PHF14: variants seen among roughly 807,000 people sequenced by gnomAD.
PHF14 encodes the protein PHD finger protein 14.
PHF14 carries 55 observed loss-of-function variants against 117.9 expected under a neutral mutation model. The observed-to-expected ratio is 0.47, with a 90% CI of 0.38 to 0.58. PHF14 has a LOEUF of 0.58. Among genes scored for constraint, PHF14 ranks in the 20% least tolerant of loss-of-function variants. PHF14 has a pLI of 0.00. For missense variants in PHF14, 978 were observed against 1,122.2 expected (o/e 0.87, Z 1.84); for synonymous variants, 409 against 368.6 (o/e 1.11, Z -1.26).
intron 4 of PHF14, among the ~76,000 whole-genome samples, chr7:11,002,658 G>C (rs544922142): frequency 6.6e-6 from 1 of 152,056 alleles, no homozygotes; most frequent in South Asian, 2.1e-4. Context: ...GGTCAGGCTG[G>C]TCTTGAACTC....
At chr7:11,009,536 A>G (rs527644156) in intron 4 of PHF14, among the ~76,000 whole-genome samples, 1 of 152,320 alleles carries the variant, frequency 6.6e-6, no homozygotes, top group Admixed American at 6.5e-5. Context: ...ACCCATATGA[A>G]AAAGAAAATA....
chr7:11,023,122 G>T, intron 6 of PHF14, 143 bp downstream of exon 6: 1 of 510,978 alleles, frequency 2.0e-6, no homozygotes, highest in Non-Finnish European at 3.5e-6. Context: ...ATTATTGATA[G>T]TAGTTTTCCT....
At chr7:11,122,443 G>A (rs10276516) in intron 17 of PHF14, among the ~76,000 whole-genome samples, 65,384 of 116,754 alleles carry the variant, frequency 0.56, 18,895 homozygotes, top group East Asian at 0.78. Flanking sequence ...ATATATATAC[G>A]TATATATATA....
chr7:11,163,036 C>A (rs532173936), intron 17 of PHF14, among the ~76,000 whole-genome samples: 1 of 152,122 alleles, frequency 6.6e-6, no homozygotes, highest in South Asian at 2.1e-4. Flanking sequence ...TTCTATCTTG[C>A]TATTTAAAAA....
intron 16 of PHF14, among the ~76,000 whole-genome samples, chr7:11,095,508 A>G (rs768557029): frequency 2.6e-5 from 4 of 152,174 alleles, no homozygotes; most frequent in Non-Finnish European, 5.9e-5. Flanking sequence ...TTTGAGAGTC[A>G]AGGGCATTTC....
At chr7:11,113,442 T>C (rs1787507575) in intron 17 of PHF14, among the ~76,000 whole-genome samples, 1 of 152,180 alleles carries the variant, frequency 6.6e-6, no homozygotes, top group Non-Finnish European at 1.5e-5. Flanking sequence ...TTATATTTGC[T>C]GTACTCTGTT....
At chr7:11,109,888 G>C (rs947036130) in intron 16 of PHF14, 2 of 151,792 alleles carry the variant, frequency 1.3e-5, no homozygotes, top group African/African-American at 4.8e-5. Flanking sequence ...GAATCTACAA[G>C]GTTTTTGGAA....
chr7:11,059,027 A>G (rs1448352164), intron 14 of PHF14, among the ~76,000 whole-genome samples: 1 of 152,180 alleles, frequency 6.6e-6, no homozygotes, highest in African/African-American at 2.4e-5. Context: ...TTGGTAATAA[A>G]TGTACTTAAA....
chr7:11,100,085 T>C (rs1297523859), intron 16 of PHF14, among the ~76,000 whole-genome samples: 1 of 152,098 alleles, frequency 6.6e-6, no homozygotes, highest in African/African-American at 2.4e-5. Context: ...TGTTTTTGAT[T>C]TTTCTTTCAT....
chr7:11,011,418 G>A (rs1166800038), intron 4 of PHF14, among the ~76,000 whole-genome samples: 1 of 152,114 alleles, frequency 6.6e-6, no homozygotes, highest in African/African-American at 2.4e-5. Context: ...TACCCATATG[G>A]TGAAGTCTTT....
At chr7:10,990,589 G>C in intron 3 of PHF14, 114 bp from the exon 4 acceptor site, 1 of 607,888 alleles carries the variant, frequency 1.6e-6, no homozygotes, top group Non-Finnish European at 2.8e-6. Context: ...GGAAAATGGG[G>C]CATACATTTG....
At position 11,004,722 on chromosome 7, in the gene PHF14, C is replaced by G. The variant is rs1399521626; in HGVS notation, c.1046-9025C>G. Among the ~76,000 whole-genome samples, 4 of 139,228 alleles carry G rather than the reference C, an allele frequency of 2.9e-5. No homozygotes were observed. In the East Asian group the frequency reaches 8.3e-4, roughly 29 times the overall value. The allele number at this position is 139,228 out of a possible 152,430, so 91.3% of individuals were successfully genotyped here. ...AAGAGTATTGTGCTGGTGTTTAGTT[C>G]CCATTATATCACATCAAAAGACGTA... On this transcript the variant is annotated intron_variant, in intron 4 of 17. Transcript: ENST00000634607.
intron 16 of PHF14, among the ~76,000 whole-genome samples, chr7:11,087,778 G>T (rs1405283689): frequency 1.3e-5 from 2 of 152,070 alleles, no homozygotes; most frequent in African/African-American, 4.8e-5. Context: ...ACATGTATGA[G>T]ACTCTGTCAC....
chr7:11,069,500 G>A (rs1217456231), intron 16 of PHF14, among the ~76,000 whole-genome samples: 2 of 151,876 alleles, frequency 1.3e-5, no homozygotes, highest in Admixed American at 6.6e-5. Flanking sequence ...GCAAATCTGG[G>A]ATAAACCCTT....
intron 14 of PHF14, among the ~76,000 whole-genome samples, chr7:11,056,837 G>T (rs1785038326): frequency 1.3e-5 from 2 of 148,476 alleles, no homozygotes; most frequent in African/African-American, 4.9e-5. Context: ...TTATATATTA[G>T]AATAAATTTT....
At chr7:11,143,145 A>G (rs1788445230) in intron 17 of PHF14, among the ~76,000 whole-genome samples, 1 of 152,222 alleles carries the variant, frequency 6.6e-6, no homozygotes, top group East Asian at 1.9e-4. Context: ...CAATGGAAAA[A>G]CAAAATTGTA....
intron 17 of PHF14, among the ~76,000 whole-genome samples, chr7:11,139,702 G>T (rs1486466903): frequency 6.6e-6 from 1 of 152,098 alleles, no homozygotes; most frequent in Non-Finnish European, 1.5e-5. Flanking sequence ...ATTTACCTTG[G>T]TTTCTGAAAT....
At position 11,063,522 on chromosome 7, in the gene PHF14, T is replaced by A. The variant is rs1411961334; in HGVS notation, c.2654+1437T>A. On this transcript the variant is annotated intron_variant, in intron 16 of 17. Transcript: ENST00000634607. Reference sequence around the variant, plus strand: ...GAGGACTATGATTTTGAAACAGTAGTTAAAAACTTATAGAGCTGGTGATCC... The same window carrying A: ...GAGGACTATGATTTTGAAACAGTAGATAAAAACTTATAGAGCTGGTGATCC... 4 of 979,960 alleles carry A rather than the reference T, an allele frequency of 4.1e-6. No homozygotes were observed. The Admixed American group carries it at 1.8e-4, about 45-fold the overall frequency. The allele number at this position is 979,960 out of a possible 1,614,324, so 60.7% of individuals were successfully genotyped here. A position where few individuals can be genotyped will look rare whatever the true frequency, so the allele number is the denominator to read the frequency against.
intron 4 of PHF14, among the ~76,000 whole-genome samples, chr7:10,997,032 T>C (rs1782677840): frequency 6.6e-6 from 1 of 152,244 alleles, no homozygotes; most frequent in African/African-American, 2.4e-5. Context: ...ATATGTTTAA[T>C]GTATTCTGAC....
Sources: allele counts gnomAD v4.1 joint callset (sites outside exome capture counted in the v4.1 genomes callset), GRCh38; gene constraint gnomAD v4.1.1; transcripts MANE v1.5; gene names NCBI Gene and HGNC (gene_info 2026-07-23, HGNC 2026-07-21).